ZBTB8A: variants seen among roughly 807,000 people sequenced by gnomAD.
The protein encoded by ZBTB8A is zinc finger and BTB domain containing 8A, also known as zinc finger and BTB domain-containing protein 8A.
A neutral mutation model predicts 37.8 loss-of-function variants in ZBTB8A; 19 were observed. The ratio of observed to expected loss-of-function variants is 0.50; its 90% CI spans 0.35 to 0.74. ZBTB8A has a LOEUF of 0.74. Ranked by LOEUF, ZBTB8A falls within the 30% of genes least tolerant of loss-of-function variation. ZBTB8A has a pLI of 0.01. For synonymous variants in ZBTB8A, 181 were observed against 185.2 expected, an observed-to-expected ratio of 0.98 and a Z score of 0.19; for missense variants, 394 against 537.8, an observed-to-expected ratio of 0.73 and a Z score of 2.65.
At chr1:32,594,954 T>G in intron 3 of ZBTB8A, 100 bp from the exon 4 acceptor site, 3 of 1,179,544 alleles carry the variant, frequency 2.5e-6, no homozygotes, top group Non-Finnish European at 3.4e-6. Flanking sequence ...TTAAGTTTAT[T>G]TTTTTCTTTC....
Position 32,600,269 on chromosome 1 carries a change from T to G in ZBTB8A, c.1176T>G (p.Asp392Glu). ...AACAACATCTTATGTCCCCATCAGA[T>G]GGAGATAAGGATTCCAGATGGCACT... ...EAEQHLMSPSDGDKDSRWHLS... is the reference protein window; with the variant it reads ...EAEQHLMSPSEGDKDSRWHLS... The change falls in exon 5 of 5, where the codon GAT becomes GAG. Residue 392 changes from aspartate to glutamate, a missense_variant. Transcript: ENST00000373510. The G allele has an allele frequency of 6.2e-7, 1 of 1,614,148 alleles. No individual in the cohort carries two copies. The highest frequency in any genetic ancestry group is 1.1e-5 in the South Asian group (1 of 91,082).
chr1:32,583,241 A>G (rs1644421067), intron 2 of ZBTB8A, among the ~76,000 whole-genome samples: 1 of 151,922 alleles, frequency 6.6e-6, no homozygotes, highest in South Asian at 2.1e-4. Flanking sequence ...TTAGCCAGGC[A>G]TGGGGGTGCA....
At chr1:32,570,379 T>G (rs879358945) in intron 2 of ZBTB8A, among the ~76,000 whole-genome samples, 4 of 152,186 alleles carry the variant, frequency 2.6e-5, no homozygotes, top group Non-Finnish European at 5.9e-5. Flanking sequence ...TTTTTCAAAA[T>G]TGTTTTGGCT....
At chr1:32,546,109 C>T (rs1008507211) in intron 1 of ZBTB8A, among the ~76,000 whole-genome samples, 10 of 152,226 alleles carry the variant, frequency 6.6e-5, no homozygotes, top group East Asian at 1.9e-4. Context: ...GAATAAAATG[C>T]GTTTCACCTG....
intron 4 of ZBTB8A, among the ~76,000 whole-genome samples, chr1:32,599,445 G>C (rs910731440): frequency 1.3e-5 from 2 of 151,898 alleles, no homozygotes; most frequent in African/African-American, 4.8e-5. Flanking sequence ...TATGCTGGGC[G>C]CGGTGCCTCA....
intron 2 of ZBTB8A, among the ~76,000 whole-genome samples, chr1:32,586,255 G>T (rs933911799): frequency 6.6e-6 from 1 of 152,036 alleles, no homozygotes; most frequent in Non-Finnish European, 1.5e-5. Context: ...GGAGGCAGAG[G>T]CTGTGGTGAA....
intron 4 of ZBTB8A, among the ~76,000 whole-genome samples, chr1:32,598,542 G>C (rs927848391): frequency 1.3e-5 from 2 of 151,932 alleles, no homozygotes; most frequent in African/African-American, 4.8e-5. Context: ...CAGCTTCTTG[G>C]AGTTTTTTAC....
rs753573244 is a variant in ZBTB8A, at chr1:32,573,738, CTTTTTTT to C, written c.-1-19176_-1-19170del. On this transcript the variant is annotated intron_variant, in intron 2 of 4. Coordinates refer to ENST00000373510, the MANE Select transcript of ZBTB8A (RefSeq NM_001040441.3). ...CAAAAGCCACCACACCCAGCTAAAACTTTTTTTTTTTTTTTTTTTTTTTAATATAAGA... is the reference window on the plus strand; with the variant it reads ...CAAAAGCCACCACACCCAGCTAAAACTTTTTTTTTTTTTTTTAATATAAGA... Among the ~76,000 whole-genome samples the C allele has an allele frequency of 2.2e-3, 206 of 95,016 alleles. 1 individual carries two copies. Among genetic ancestry groups the C allele is most frequent in the Admixed American group, 3.9e-3 (32 of 8,188 alleles). The allele number at this position is 95,016 out of a possible 152,430, so 62.3% of individuals were successfully genotyped here.
At chr1:32,600,051 A>G in intron 4 of ZBTB8A, 36 bp from the exon 5 acceptor site, 2 of 1,557,534 alleles carry the variant, frequency 1.3e-6, no homozygotes, top group Non-Finnish European at 8.7e-7. Context: ...CTGCTTTTGA[A>G]AAATCACTTT....
At chr1:32,549,418 C>G (rs1016001484) in intron 1 of ZBTB8A, among the ~76,000 whole-genome samples, 1 of 151,312 alleles carries the variant, frequency 6.6e-6, no homozygotes, top group Non-Finnish European at 1.5e-5. Context: ...CGCTTGAACC[C>G]AAGAGGTAGA....
chr1:32,579,478 AC>A (rs1255358327), intron 2 of ZBTB8A, among the ~76,000 whole-genome samples: 1 of 151,860 alleles, frequency 6.6e-6, no homozygotes, highest in East Asian at 1.9e-4. Flanking sequence ...AAGAAAAAAA[AC>A]AACTTAAATA....
At chr1:32,562,888 C>A (rs1370455062) in intron 2 of ZBTB8A, among the ~76,000 whole-genome samples, 1 of 151,938 alleles carries the variant, frequency 6.6e-6, no homozygotes, top group Admixed American at 6.6e-5. Flanking sequence ...CAGCCTTGAG[C>A]TATTTTTAAG....
intron 2 of ZBTB8A, 43 bp from the exon 3 acceptor site, chr1:32,592,888 G>A: frequency 2.0e-6 from 3 of 1,468,520 alleles, no homozygotes; most frequent in Non-Finnish European, 1.9e-6. Context: ...TAAAATAATT[G>A]TAATGTAGGT....
intron 2 of ZBTB8A, among the ~76,000 whole-genome samples, chr1:32,591,109 A>C (rs910653447): frequency 3.5e-5 from 5 of 142,572 alleles, no homozygotes; most frequent in African/African-American, 1.3e-4. Context: ...GGGTTTCGCC[A>C]TGTTGGCCAG....
At chr1:32,572,631 G>C (rs909823317) in intron 2 of ZBTB8A, among the ~76,000 whole-genome samples, 1 of 151,790 alleles carries the variant, frequency 6.6e-6, no homozygotes, top group Non-Finnish European at 1.5e-5. Context: ...TCCTGACCTC[G>C]GGTAATCCAC....
chr1:32,596,193 C>G (rs1162262026), intron 4 of ZBTB8A, among the ~76,000 whole-genome samples: 1 of 151,922 alleles, frequency 6.6e-6, no homozygotes, highest in African/African-American at 2.4e-5. Context: ...CATGGTGAAA[C>G]CCCGTCTCTA....
chr1:32,567,818 A>AAAC (rs1553178086), intron 2 of ZBTB8A, among the ~76,000 whole-genome samples: 1,378 of 23,002 alleles, frequency 0.06, 222 homozygotes, highest in Admixed American at 0.099. Context: ...AAAAAAAAAA[A>AAAC]AAAAACAAAA....
At chr1:32,552,927 ATTTG>A (rs1354165572) in intron 1 of ZBTB8A, among the ~76,000 whole-genome samples, 1 of 148,270 alleles carries the variant, frequency 6.7e-6, no homozygotes, top group African/African-American at 2.5e-5. Context: ...TATATTACAT[ATTTG>A]TTCTATATTA....
chr1:32,558,720 A>G lies in ZBTB8A; in HGVS notation c.-2+5180A>G, dbSNP rs182114140. Among the ~76,000 whole-genome samples the G allele has an allele frequency of 1.6e-3, 244 of 152,316 alleles. 1 individual carries two copies. The highest frequency in any genetic ancestry group is 5.0e-3 in the African/African-American group (206 of 41,570). On this transcript the variant is annotated intron_variant, in intron 2 of 4. Transcript: ENST00000373510. ...TAGTGGTACTAATTCCCAAGAAAGG[A>G]GACACAGATGAAGGAGTACATTTCA...
Sources: gnomAD v4.1 joint callset for allele counts (sites outside exome capture counted in the v4.1 genomes callset) on GRCh38, gnomAD v4.1.1 for gene constraint, MANE v1.5 for transcripts, NCBI Gene and HGNC (gene_info 2026-07-23, HGNC 2026-07-21) for gene names.